Variants in DSCAML1 observed in about 807,000 individuals in gnomAD.
The protein encoded by DSCAML1 is cell adhesion molecule DSCAML1.
A neutral mutation model predicts 200.5 loss-of-function variants in DSCAML1; 38 were observed. The ratio of observed to expected loss-of-function variants is 0.19; its 90% CI spans 0.15 to 0.25. DSCAML1 has a LOEUF of 0.25. Among genes scored for constraint, DSCAML1 ranks in the 10% least tolerant of loss-of-function variants. DSCAML1 has a pLI of 1.00. For synonymous variants in DSCAML1, 1,215 were observed against 1,165.0 expected (o/e 1.04, Z -0.87); for missense variants, 2,223 against 2,858.8 (o/e 0.78, Z 5.07).
At chr11:117,776,687 C>T in intron 3 of DSCAML1, 104 bp downstream of exon 3, 4 of 1,418,650 alleles carry the variant, frequency 2.8e-6, no homozygotes, top group Non-Finnish European at 3.9e-6. Context: ...CAGAGCCAAC[C>T]TCAAGATCTT....
intron 1 of DSCAML1, among the ~76,000 whole-genome samples, chr11:117,789,874 G>A (rs2055428988): frequency 6.6e-6 from 1 of 152,204 alleles, no homozygotes; most frequent in Non-Finnish European, 1.5e-5. Context: ...TGCCTTGCAA[G>A]GAAGGAGTCC....
At chr11:117,499,121 C>A (rs2049348580) in intron 11 of DSCAML1, among the ~76,000 whole-genome samples, 1 of 152,192 alleles carries the variant, frequency 6.6e-6, no homozygotes, top group South Asian at 2.1e-4. Flanking sequence ...TTGAAGAATT[C>A]TCTTTGAAGA....
intron 3 of DSCAML1, among the ~76,000 whole-genome samples, chr11:117,755,750 G>A (rs775451568): frequency 4.6e-5 from 7 of 152,132 alleles, no homozygotes; most frequent in Non-Finnish European, 8.8e-5. Context: ...CCACCCACAG[G>A]AGATCTCTGA....
intron 3 of DSCAML1, among the ~76,000 whole-genome samples, chr11:117,542,326 AC>A (rs777845480): frequency 0.012 from 1,071 of 88,814 alleles, 16 homozygotes; most frequent in African/African-American, 0.037. Context: ...ACAAAACAAA[AC>A]ACAAAAACAA....
intron 8 of DSCAML1, among the ~76,000 whole-genome samples, chr11:117,506,084 C>T (rs1356629166): frequency 1.3e-5 from 2 of 152,240 alleles, no homozygotes; most frequent in Non-Finnish European, 2.9e-5. Context: ...CTTCTCATCC[C>T]AGTGATGCAG....
intron 3 of DSCAML1, among the ~76,000 whole-genome samples, chr11:117,591,877 A>C (rs2051265954): frequency 6.6e-6 from 1 of 152,170 alleles, no homozygotes; most frequent in Non-Finnish European, 1.5e-5. Context: ...AGGTCAGCCC[A>C]GGCTCTACAG....
chr11:117,757,482 C>G (rs1591477736), intron 3 of DSCAML1, among the ~76,000 whole-genome samples: 1 of 151,996 alleles, frequency 6.6e-6, no homozygotes, highest in East Asian at 1.9e-4. Flanking sequence ...ACATGTACCC[C>G]ACACATATGT....
Position 117,461,518 on chromosome 11 carries a change from G to A in DSCAML1, c.3344C>T (p.Pro1115Leu), listed in dbSNP as rs747777239. 53 of 1,614,176 alleles carry A rather than the reference G, an allele frequency of 3.3e-5. No homozygotes were observed. Among genetic ancestry groups the A allele is most frequent in the East Asian group, 2.2e-5 (1 of 44,880 alleles). The part of the protein sequence containing the change: ...DVAVISWSEP[P>L]RSTLNGVLKG... Reference sequence around the variant, plus strand: ...GAGGACGCCATTGAGGGTGCTGCGCGGGGGCTCTGACCAGGAGATGACGGC... The same window carrying A: ...GAGGACGCCATTGAGGGTGCTGCGCAGGGGCTCTGACCAGGAGATGACGGC... The change falls in exon 18 of 33, where the codon CCG becomes CTG. Residue 1115 changes from proline to leucine, a missense_variant. Transcript: ENST00000651296.
chr11:117,512,085 C>G (rs1200149296), intron 8 of DSCAML1, among the ~76,000 whole-genome samples: 1 of 152,250 alleles, frequency 6.6e-6, no homozygotes, highest in East Asian at 1.9e-4. Context: ...ACCCTGCCCA[C>G]TGACCCTTGG....
intron 3 of DSCAML1, among the ~76,000 whole-genome samples, chr11:117,715,266 C>T (rs4245172): frequency 0.95 from 144,894 of 152,034 alleles, 69,221 homozygotes; most frequent in South Asian, 0.99. Context: ...GCCAACACTA[C>T]GCCTATCTAA....
chr11:117,771,071 T>A (rs1022103353), intron 3 of DSCAML1, among the ~76,000 whole-genome samples: 1 of 152,142 alleles, frequency 6.6e-6, no homozygotes, highest in African/African-American at 2.4e-5. Context: ...CAGCTCTCAG[T>A]CTGTGATTCC....
At chr11:117,650,594 A>C (rs957734717) in intron 3 of DSCAML1, among the ~76,000 whole-genome samples, 1 of 152,068 alleles carries the variant, frequency 6.6e-6, no homozygotes, top group East Asian at 1.9e-4. Context: ...GGAAGGTCAC[A>C]GTACCGAGCT....
chr11:117,521,314 C>G lies in DSCAML1; in HGVS notation c.1029G>C (p.Glu343Asp). Residue 343 changes from glutamate to aspartate, a missense_variant, in exon 6 of 33, where the codon GAG (glutamate) becomes GAC (aspartate). This residue lies in a region of DSCAML1 where 579 missense variants were observed against 721.5 expected (regional missense o/e 0.80). Coordinates refer to ENST00000651296, the MANE Select transcript of DSCAML1 (RefSeq NM_020693.4). ...ILSCALTGSPEFTIRWYRNTE... is the reference protein window; with the variant it reads ...ILSCALTGSPDFTIRWYRNTE... The stretch of plus-strand genomic sequence containing the variant: ...TGTTGCGATACCAGCGGATGGTGAA[C>G]TCTGGGGAGCCCGTCAGGGCACAGG... 1.2e-6 allele frequency: 2 copies of G among 1,614,190 alleles called. No homozygotes were observed. The highest frequency in any genetic ancestry group is 1.7e-6 in the Non-Finnish European group (2 of 1,180,030).
chr11:117,666,021 G>A (rs2052967411), intron 3 of DSCAML1, among the ~76,000 whole-genome samples: 2 of 152,194 alleles, frequency 1.3e-5, no homozygotes, highest in Admixed American at 1.3e-4. Flanking sequence ...TTGGGCAGTT[G>A]GTCAGTGGCT....
At chr11:117,465,742 TTGAATGAATGAA>T (rs57457586) in intron 16 of DSCAML1, among the ~76,000 whole-genome samples, 22,953 of 150,392 alleles carry the variant, frequency 0.15, 2,183 homozygotes, top group African/African-American at 0.25. Context: ...TCAATACATA[TTGAATGAATGAA>T]TGAATGAATG....
intron 3 of DSCAML1, among the ~76,000 whole-genome samples, chr11:117,582,145 T>C (rs979376178): frequency 2.6e-5 from 4 of 152,242 alleles, no homozygotes; most frequent in Non-Finnish European, 5.9e-5. Context: ...AAGTTTCATT[T>C]ATTGTCAGAA....
At chr11:117,714,634 T>G (rs967557030) in intron 3 of DSCAML1, among the ~76,000 whole-genome samples, 7 of 151,838 alleles carry the variant, frequency 4.6e-5, no homozygotes, top group Admixed American at 3.3e-4. Flanking sequence ...CTGGCCAACA[T>G]GGTGAAACCC....
chr11:117,742,760 A>G (rs1476404667), intron 3 of DSCAML1, among the ~76,000 whole-genome samples: 1 of 152,258 alleles, frequency 6.6e-6, no homozygotes, highest in Non-Finnish European at 1.5e-5. Flanking sequence ...GAGAGTCAAC[A>G]TACTCGAATC....
Position 117,459,027 on chromosome 11 carries a change from G to A in DSCAML1, c.3413-118C>T, listed in dbSNP as rs571118899. Reference sequence around the variant, plus strand: ...GCACAGGCTCAGCCCTCGACTCCATGGTGGCGAGGACTAGAGGGTCTTTCA... The same window carrying A: ...GCACAGGCTCAGCCCTCGACTCCATAGTGGCGAGGACTAGAGGGTCTTTCA... On this transcript the variant is annotated intron_variant, in intron 18 of 32. Transcript: ENST00000651296. 120 of 1,345,430 alleles carry A rather than the reference G, an allele frequency of 8.9e-5. No individual in the cohort carries two copies. The African/African-American group carries it at 1.6e-3, about 18-fold the overall frequency. The allele number at this position is 1,345,430 out of a possible 1,614,324, so 83.3% of individuals were successfully genotyped here.
Sources: allele counts gnomAD v4.1 joint callset (sites outside exome capture counted in the v4.1 genomes callset), GRCh38; gene constraint gnomAD v4.1.1; regional missense constraint gnomAD v4.1.1; transcripts MANE v1.5; gene names NCBI Gene and HGNC (gene_info 2026-07-23, HGNC 2026-07-21).